ERC1: variants seen among roughly 807,000 people sequenced by gnomAD.
ERC1 encodes the protein RAB6 interacting protein 2.
A neutral mutation model predicts 132.0 loss-of-function variants in ERC1; 56 were observed. The observed-to-expected ratio is 0.42, with a 90% CI of 0.34 to 0.53. The LOEUF (loss-of-function observed/expected upper bound fraction) is 0.53, where lower values mean the gene tolerates loss of function less well. Among genes scored for constraint, ERC1 ranks in the 20% least tolerant of loss-of-function variants. The pLI, the probability that ERC1 is intolerant of heterozygous loss-of-function variation, is 0.03. For missense variants in ERC1, 1,202 were observed against 1,349.9 expected, an observed-to-expected ratio of 0.89 and a Z score of 1.72; for synonymous variants, 478 against 476.1, an observed-to-expected ratio of 1.00 and a Z score of -0.05.
chr12:1,147,058 A>G (rs979043098), intron 8 of ERC1, among the ~76,000 whole-genome samples: 3 of 152,118 alleles, frequency 2.0e-5, no homozygotes, highest in Admixed American at 6.5e-5. Context: ...AGTCTTTGCT[A>G]TTGTGAATAG....
At chr12:1,017,745 CGCCTCA>C (rs1965745973) in intron 1 of ERC1, among the ~76,000 whole-genome samples, 1 of 151,866 alleles carries the variant, frequency 6.6e-6, no homozygotes, top group African/African-American at 2.4e-5. Context: ...GTGATCTGCC[CGCCTCA>C]GCCTCCCAAA....
At chr12:1,006,886 T>C (rs1434489724) in intron 1 of ERC1, among the ~76,000 whole-genome samples, 4 of 151,530 alleles carry the variant, frequency 2.6e-5, no homozygotes, top group Non-Finnish European at 4.4e-5. Context: ...TTTCCTTTTT[T>C]CTTTTTCTCG....
At chr12:1,446,873 A>G (rs774281248) in intron 18 of ERC1, among the ~76,000 whole-genome samples, 9 of 152,192 alleles carry the variant, frequency 5.9e-5, no homozygotes, top group Non-Finnish European at 8.8e-5. Flanking sequence ...TATTAAATTC[A>G]GCGAGGTGCT....
At position 1,468,932 on chromosome 12, in the gene ERC1, C is replaced by A. The variant is rs139242892; in HGVS notation, c.3214-21161C>A. On this transcript the variant is annotated intron_variant, in intron 18 of 18. Transcript: ENST00000360905. ...TGTGCAACCTTGGGAAGAAAGTCCT[C>A]TTAGCCTGTCAGAGGCATCTCTGTC... Among the ~76,000 whole-genome samples the A allele has an allele frequency of 1.5e-3, 221 of 152,264 alleles. 2 individuals carry two copies. Among genetic ancestry groups the A allele is most frequent in the African/African-American group, 5.1e-3 (213 of 41,564 alleles).
chr12:998,468 C>G (rs1218274451), intron 1 of ERC1: 1 of 152,218 alleles, frequency 6.6e-6, no homozygotes, highest in African/African-American at 2.4e-5. Context: ...TCCTTGTTGG[C>G]TGCTTGCTGG....
chr12:1,139,589 C>T (rs957744022), intron 7 of ERC1, among the ~76,000 whole-genome samples: 2 of 152,078 alleles, frequency 1.3e-5, no homozygotes, highest in Admixed American at 6.6e-5. Flanking sequence ...GGATTATATT[C>T]TTCGACGACA....
In ERC1 at chr12:1,183,276, T is replaced by G. The variant is rs1206199051; in HGVS notation, c.2017-5T>G. The G allele has an allele frequency of 2.6e-6, 4 of 1,537,790 alleles. No homozygotes were observed. The African/African-American group carries it at 5.5e-5, about 21-fold the overall frequency. ...TTTATTCTAGATGTGTGTTCCTTCT[T>G]TTAGGCTTCACTTTTGGATCTGAAA... is the stretch of plus-strand genomic sequence containing the variant. On this transcript the variant is annotated splice_polypyrimidine_tract_variant and splice_region_variant and intron_variant, in intron 10 of 18. Transcript: ENST00000360905.
intron 1 of ERC1, among the ~76,000 whole-genome samples, chr12:1,000,578 C>T (rs771787724): frequency 1.4e-4 from 21 of 151,360 alleles, no homozygotes; most frequent in Non-Finnish European, 2.6e-4. Flanking sequence ...TCCTGGCCAA[C>T]ATGGTGAAAC....
intron 4 of ERC1, among the ~76,000 whole-genome samples, chr12:1,106,639 T>A (rs2154200481): frequency 6.6e-6 from 1 of 152,308 alleles, no homozygotes; most frequent in South Asian, 2.1e-4. Flanking sequence ...AGTATAATCT[T>A]GTAAAGGGCC....
intron 12 of ERC1, among the ~76,000 whole-genome samples, chr12:1,200,978 T>C (rs1049397948): frequency 1.3e-5 from 2 of 152,244 alleles, no homozygotes; most frequent in African/African-American, 2.4e-5. Flanking sequence ...TTCTTTTATA[T>C]GTACATAGTA....
At chr12:1,481,721 G>C (rs954408702) in intron 18 of ERC1, among the ~76,000 whole-genome samples, 1 of 152,104 alleles carries the variant, frequency 6.6e-6, no homozygotes, top group African/African-American at 2.4e-5. Flanking sequence ...CCTTTTCCCA[G>C]GCATAGCATA....
chr12:1,313,252 A>G (rs2081440274), intron 15 of ERC1, among the ~76,000 whole-genome samples: 1 of 152,102 alleles, frequency 6.6e-6, no homozygotes, highest in Non-Finnish European at 1.5e-5. Context: ...AACAATCACC[A>G]TATCAAAGAC....
chr12:1,417,290 T>A (rs545925527), intron 17 of ERC1, among the ~76,000 whole-genome samples: 24 of 152,250 alleles, frequency 1.6e-4, no homozygotes, highest in African/African-American at 5.5e-4. Context: ...CTCTGCCGTC[T>A]GCTATTAAAA....
intron 8 of ERC1, chr12:1,151,806 C>CT (rs1950860457): frequency 6.6e-6 from 1 of 152,230 alleles, no homozygotes; most frequent in African/African-American, 2.4e-5. Context: ...CCAAGTAAGA[C>CT]TAGGAGGCTT....
At chr12:1,463,974 A>C (rs1374767759) in intron 18 of ERC1, among the ~76,000 whole-genome samples, 2 of 152,162 alleles carry the variant, frequency 1.3e-5, no homozygotes, top group Admixed American at 1.3e-4. Flanking sequence ...CAGGGTACTA[A>C]GTTGGACCTT....
intron 15 of ERC1, among the ~76,000 whole-genome samples, chr12:1,317,739 A>T (rs2081864346): frequency 6.6e-6 from 1 of 152,072 alleles, no homozygotes; most frequent in African/African-American, 2.4e-5. Context: ...TACTGAACCT[A>T]AGTCATCAGA....
intron 12 of ERC1, among the ~76,000 whole-genome samples, chr12:1,210,529 T>G (rs1352934548): frequency 6.6e-6 from 1 of 152,184 alleles, no homozygotes; most frequent in African/African-American, 2.4e-5. Flanking sequence ...GATCTCATCT[T>G]TAAGGTGTAG....
At chr12:1,195,019 AC>A (rs1435771144) in intron 12 of ERC1, among the ~76,000 whole-genome samples, 3 of 151,992 alleles carry the variant, frequency 2.0e-5, no homozygotes, top group Admixed American at 2.0e-4. Flanking sequence ...GTCGAGAAAG[AC>A]CTGTCTGATA....
At chr12:1,289,813 C>G (rs928138581) in intron 14 of ERC1, 39 bp from the exon 15 acceptor site, 2 of 1,581,948 alleles carry the variant, frequency 1.3e-6, no homozygotes, top group Non-Finnish European at 1.7e-6. Context: ...TCTGATTGAT[C>G]AAGACACTCT....
Sources: allele counts gnomAD v4.1 joint callset (sites outside exome capture counted in the v4.1 genomes callset), GRCh38; gene constraint gnomAD v4.1.1; transcripts MANE v1.5; gene names NCBI Gene and HGNC (gene_info 2026-07-23, HGNC 2026-07-21).